Variants in WWOX observed in about 807,000 individuals in gnomAD.
WWOX encodes WW domain-containing oxidoreductase.
A neutral mutation model predicts 46.2 loss-of-function variants in WWOX; 69 were observed. That is an observed-to-expected ratio of 1.49 (90% CI 1.23 to 1.82). The LOEUF is 1.82. Among genes scored for constraint, WWOX ranks in the 40% most tolerant of loss-of-function variants. The probability of loss-of-function intolerance (pLI) is 0.00; values close to 1 mark genes in which losing one functional copy is unlikely to be tolerated. For synonymous variants in WWOX, 359 were observed against 202.6 expected (o/e 1.77, Z -6.56); for missense variants, 919 against 542.6 (o/e 1.69, Z -6.89).
At chr16:78,666,925 G>C (rs1232842783) in intron 8 of WWOX, among the ~76,000 whole-genome samples, 1 of 152,180 alleles carries the variant, frequency 6.6e-6, no homozygotes, top group Non-Finnish European at 1.5e-5. Context: ...AGACACTGTT[G>C]ATGTCCAGGG....
intron 4 of WWOX, among the ~76,000 whole-genome samples, chr16:78,161,870 A>G (rs2034806358): frequency 6.6e-6 from 1 of 152,152 alleles, no homozygotes; most frequent in African/African-American, 2.4e-5. Context: ...CTTCCTGGAG[A>G]AGACAAGAAC....
intron 8 of WWOX, among the ~76,000 whole-genome samples, chr16:78,817,215 ACT>A (rs1418781383): frequency 1.9e-5 from 2 of 107,412 alleles, no homozygotes; most frequent in Non-Finnish European, 3.4e-5. Flanking sequence ...TTCAACCCTG[ACT>A]CTGATTCACA....
chr16:78,882,938 C>T (rs1254238737), intron 8 of WWOX, among the ~76,000 whole-genome samples: 1 of 152,030 alleles, frequency 6.6e-6, no homozygotes, highest in African/African-American at 2.4e-5. Context: ...GAACCGGCAC[C>T]AGCGATGTCG....
intron 8 of WWOX, among the ~76,000 whole-genome samples, chr16:78,683,132 C>T (rs1338563867): frequency 1.3e-5 from 2 of 152,064 alleles, no homozygotes; most frequent in Non-Finnish European, 2.9e-5. Flanking sequence ...AATCGATTTC[C>T]AGTTTCCAAA....
intron 8 of WWOX, among the ~76,000 whole-genome samples, chr16:79,000,596 G>C (rs1033000645): frequency 2.6e-5 from 4 of 152,200 alleles, no homozygotes; most frequent in Admixed American, 1.3e-4. Flanking sequence ...CTAGAAGCCA[G>C]AAGAGGCAAG....
intron 4 of WWOX, among the ~76,000 whole-genome samples, chr16:78,136,968 T>C (rs2033814411): frequency 6.6e-6 from 1 of 152,152 alleles, no homozygotes; most frequent in African/African-American, 2.4e-5. Flanking sequence ...GCAGGGTGTG[T>C]GCTCTCTGTA....
chr16:78,955,452 A>G (rs16949032), intron 8 of WWOX, among the ~76,000 whole-genome samples: 18,437 of 152,084 alleles, frequency 0.12, 1,486 homozygotes, highest in African/African-American at 0.22. Context: ...AAGAGATTCT[A>G]TTTTTACTGG....
At chr16:78,657,768 G>C (rs2047114736) in intron 8 of WWOX, among the ~76,000 whole-genome samples, 1 of 152,146 alleles carries the variant, frequency 6.6e-6, no homozygotes, top group African/African-American at 2.4e-5. Context: ...GGCCAAGCTT[G>C]ACTCTGGATT....
chr16:79,151,776 A>G (rs972104879), intron 8 of WWOX, among the ~76,000 whole-genome samples: 7 of 152,154 alleles, frequency 4.6e-5, no homozygotes. Flanking sequence ...GGCCTATTTG[A>G]TCCTGGAGTT....
chr16:78,819,396 C>T (rs912015531), intron 8 of WWOX, among the ~76,000 whole-genome samples: 24 of 152,206 alleles, frequency 1.6e-4, no homozygotes, highest in African/African-American at 5.8e-4. Flanking sequence ...TGTCAGTTTA[C>T]AATTTCCATG....
Position 78,629,502 on chromosome 16 carries a change from C to G in WWOX, c.1056+196750C>G, listed in dbSNP as rs544535460. On this transcript the variant is annotated intron_variant, in intron 8 of 8. Coordinates refer to ENST00000566780, the MANE Select transcript of WWOX (RefSeq NM_016373.4). ...GATCTTGCCACCACCCTACTTGCCA[C>G]TCCCTGCTTAATCCCTTCACTGGCT... Among the ~76,000 whole-genome samples, 16 of 152,338 alleles carry G rather than the reference C, an allele frequency of 1.1e-4. No homozygotes were observed. The East Asian group carries it at 2.9e-3, about 28-fold the overall frequency.
chr16:79,013,041 C>T (rs1035505600), intron 8 of WWOX, among the ~76,000 whole-genome samples: 3 of 152,146 alleles, frequency 2.0e-5, no homozygotes, highest in Non-Finnish European at 2.9e-5. Flanking sequence ...TGCATGTCAG[C>T]CTGAGCAACA....
intron 5 of WWOX, among the ~76,000 whole-genome samples, chr16:78,185,240 A>C (rs974063124): frequency 6.6e-6 from 1 of 152,220 alleles, no homozygotes; most frequent in African/African-American, 2.4e-5. Context: ...TTCCACGGTC[A>C]TGTCAAGCCT....
intron 5 of WWOX, among the ~76,000 whole-genome samples, chr16:78,354,296 C>T (rs796521393): frequency 7.5e-6 from 1 of 133,510 alleles, no homozygotes; most frequent in African/African-American, 2.8e-5. Flanking sequence ...AAGACAGTGT[C>T]TGCTGATGTG....
chr16:78,483,711 C>G (rs1222663242), intron 8 of WWOX, among the ~76,000 whole-genome samples: 1 of 152,098 alleles, frequency 6.6e-6, no homozygotes, highest in Non-Finnish European at 1.5e-5. Context: ...TCACAAGATA[C>G]TAATTCTTTT....
intron 8 of WWOX, among the ~76,000 whole-genome samples, chr16:78,852,602 G>GCTGCTCCTGAATTCTTGACCCAGAAAAT (rs2052473785): frequency 6.6e-6 from 1 of 152,142 alleles, no homozygotes; most frequent in Non-Finnish European, 1.5e-5. Context: ...AGCTAGCTAA[G>GCTGCTCCTGAATTCTTGACCCAGAAAAT]CTGCTCCTGA....
At chr16:78,924,417 A>G (rs978045356) in intron 8 of WWOX, among the ~76,000 whole-genome samples, 7 of 152,206 alleles carry the variant, frequency 4.6e-5, no homozygotes, top group Admixed American at 4.6e-4. Context: ...TAAAAGTCAG[A>G]CTAATGGCAG....
At chr16:78,655,806 T>C (rs969681244) in intron 8 of WWOX, among the ~76,000 whole-genome samples, 3 of 152,242 alleles carry the variant, frequency 2.0e-5, no homozygotes, top group African/African-American at 7.2e-5. Context: ...ATTTGAAGCC[T>C]TATTTAGAAG....
rs575080327 is a variant in WWOX at position 78,424,979 on chromosome 16, C to T, written c.715C>T (p.Leu239Phe). The part of the protein sequence containing the change: ...FQVNHLGHFY[L>F]VQLLQDVLCR... ...AGTGAATCATCTGGGGCACTTCTAC[C>T]TTGTCCAGCTCCTCCAGGATGTTTT... The change falls in exon 7 of 9, where the codon CTT (leucine) becomes TTT (phenylalanine). Residue 239 changes from leucine to phenylalanine, a missense_variant. Physicochemically the swap from Leu to Phe is conservative, Grantham distance 22 (BLOSUM62 0). Transcript: ENST00000566780. 1 of 1,614,180 alleles carries T rather than the reference C, an allele frequency of 6.2e-7. No individual in the cohort carries two copies. Among genetic ancestry groups the T allele is most frequent in the South Asian group, 1.1e-5 (1 of 91,074 alleles).
Sources: gnomAD v4.1 joint callset for allele counts (sites outside exome capture counted in the v4.1 genomes callset) on GRCh38, gnomAD v4.1.1 for gene constraint, MANE v1.5 for transcripts, NCBI Gene and HGNC (gene_info 2026-07-23, HGNC 2026-07-21) for gene names.